Variants in LARGE1 observed in about 807,000 individuals in gnomAD.
The protein encoded by LARGE1 is xylosyl- and glucuronyltransferase LARGE1.
Under a neutral mutation model 87.6 loss-of-function variants are expected in LARGE1, and 43 were observed. The observed-to-expected ratio is 0.49, with a 90% CI of 0.38 to 0.63. LARGE1 has a LOEUF of 0.63. Ranked by LOEUF, LARGE1 falls within the 30% of genes least tolerant of loss-of-function variation. The pLI, the probability that LARGE1 is intolerant of heterozygous loss-of-function variation, is 0.00. For synonymous variants in LARGE1, 434 were observed against 394.6 expected, an observed-to-expected ratio of 1.10 and a Z score of -1.18; for missense variants, 802 against 1,000.2, an observed-to-expected ratio of 0.80 and a Z score of 2.67.
chr22:33,104,945 TTCTCTTTCTCTCTTTC>T, the LARGE1 span, among the ~76,000 whole-genome samples: 2 of 137,564 alleles, frequency 1.5e-5, no homozygotes, highest in Admixed American at 7.5e-5. Context: ...CTTTCTTTCT[TTCTCTTTCTCTCTTTC>T]TCTCTTTCTT....
At chr22:33,724,676 A>T (rs2083213410) in intron 2 of LARGE1, 1 of 152,250 alleles carries the variant, frequency 6.6e-6, no homozygotes, top group South Asian at 2.1e-4. Context: ...ACTTTGTAAC[A>T]GTCATGGTAA....
intron 6 of LARGE1, among the ~76,000 whole-genome samples, chr22:33,481,268 T>A (rs915223905): frequency 2.0e-5 from 3 of 151,710 alleles, no homozygotes; most frequent in Non-Finnish European, 4.4e-5. Context: ...TTTTTTTTTT[T>A]AAGCACTGCC....
intron 7 of LARGE1, among the ~76,000 whole-genome samples, chr22:33,401,006 C>T (rs1326417742): frequency 6.6e-6 from 1 of 152,150 alleles, no homozygotes; most frequent in African/African-American, 2.4e-5. Context: ...GTGGCTGGTT[C>T]CTGATCGGAA....
intron 2 of LARGE1, among the ~76,000 whole-genome samples, chr22:33,711,559 C>T (rs965498996): frequency 1.3e-5 from 2 of 152,168 alleles, no homozygotes; most frequent in East Asian, 1.9e-4. Context: ...CTGCCTGCTA[C>T]CTATGGCCAA....
At chr22:33,519,404 A>G (rs1381539670) in intron 6 of LARGE1, among the ~76,000 whole-genome samples, 1 of 152,118 alleles carries the variant, frequency 6.6e-6, no homozygotes, top group Non-Finnish European at 1.5e-5. Flanking sequence ...TATCTAAATT[A>G]TACTTACAGA....
At chr22:33,559,600 G>A (rs575375380) in intron 6 of LARGE1, among the ~76,000 whole-genome samples, 6 of 152,240 alleles carry the variant, frequency 3.9e-5, no homozygotes, top group African/African-American at 1.4e-4. Flanking sequence ...CCTCCTAAAG[G>A]CTCTACTCTT....
intron 5 of LARGE1, among the ~76,000 whole-genome samples, chr22:33,590,533 GA>G (rs1204276825): frequency 6.6e-6 from 1 of 152,142 alleles, no homozygotes; most frequent in East Asian, 1.9e-4. Context: ...GATCGCCCTC[GA>G]AAATGCCCTG....
At chr22:33,107,500 A>G in the LARGE1 span, among the ~76,000 whole-genome samples, 2 of 151,974 alleles carry the variant, frequency 1.3e-5, no homozygotes, top group Admixed American at 1.3e-4. Flanking sequence ...GGCTGCAGAG[A>G]TCCACGTTCG....
At chr22:33,364,124 G>T (rs532977007) in intron 9 of LARGE1, among the ~76,000 whole-genome samples, 1 of 151,454 alleles carries the variant, frequency 6.6e-6, no homozygotes, top group South Asian at 2.1e-4. Context: ...GCGCAATCTC[G>T]GCTCACTGCA....
intron 1 of LARGE1, among the ~76,000 whole-genome samples, chr22:33,897,615 G>A (rs1237015458): frequency 6.6e-6 from 1 of 152,210 alleles, no homozygotes; most frequent in Non-Finnish European, 1.5e-5. Flanking sequence ...GAAGCCAGCG[G>A]AACCTACAGA....
At chr22:33,670,447 G>GA (rs1029032219) in intron 2 of LARGE1, among the ~76,000 whole-genome samples, 7 of 151,594 alleles carry the variant, frequency 4.6e-5, no homozygotes, top group Non-Finnish European at 8.8e-5. Flanking sequence ...TCAAGCAGAG[G>GA]AAACGGCATA....
At chr22:33,491,912 T>C (rs1014821910) in intron 6 of LARGE1, among the ~76,000 whole-genome samples, 2 of 152,166 alleles carry the variant, frequency 1.3e-5, no homozygotes, top group African/African-American at 4.8e-5. Flanking sequence ...GCAGCTGAAA[T>C]GCAAAATTTT....
At chr22:33,809,293 G>C (rs1310363807) in intron 1 of LARGE1, among the ~76,000 whole-genome samples, 2 of 151,234 alleles carry the variant, frequency 1.3e-5, no homozygotes, top group Non-Finnish European at 2.9e-5. Context: ...ATCAGGTCCT[G>C]TGTGATGTAT....
intron 6 of LARGE1, among the ~76,000 whole-genome samples, chr22:33,471,246 G>A (rs767355733): frequency 3.3e-5 from 5 of 151,618 alleles, no homozygotes; most frequent in African/African-American, 7.3e-5. Context: ...TTAGCACCAC[G>A]GTGGCCAAGC....
At chr22:33,646,882 C>T (rs1443755089) in intron 3 of LARGE1, among the ~76,000 whole-genome samples, 1 of 152,214 alleles carries the variant, frequency 6.6e-6, no homozygotes, top group Non-Finnish European at 1.5e-5. Flanking sequence ...CACCCTCCAC[C>T]ACGCCCAGCT....
intron 12 of LARGE1, among the ~76,000 whole-genome samples, chr22:33,298,868 AAAAAG>A (rs1419282730): frequency 1.3e-5 from 2 of 151,902 alleles, no homozygotes; most frequent in South Asian, 2.1e-4. Context: ...AAAGAAAAGA[AAAAAG>A]AAAAGAAAAA....
At chr22:33,624,552 C>G (rs551390428) in intron 4 of LARGE1, among the ~76,000 whole-genome samples, 1 of 152,134 alleles carries the variant, frequency 6.6e-6, no homozygotes, top group African/African-American at 2.4e-5. Context: ...AGCAGCATAA[C>G]CAGACACAAC....
intron 6 of LARGE1, among the ~76,000 whole-genome samples, chr22:33,524,688 G>A (rs1485404133): frequency 6.6e-6 from 1 of 151,572 alleles, no homozygotes; most frequent in Non-Finnish European, 1.5e-5. Flanking sequence ...CTCCCCCAGG[G>A]TGTGAGAAAA....
chr22:33,205,254 G>T (rs1342071874), intron 11 of LARGE1, among the ~76,000 whole-genome samples: 1 of 152,176 alleles, frequency 6.6e-6, no homozygotes, highest in Non-Finnish European at 1.5e-5. Context: ...TTTTATGAGA[G>T]ATCATGCACT....
Sources: gnomAD v4.1 joint callset for allele counts (sites outside exome capture counted in the v4.1 genomes callset) on GRCh38, gnomAD v4.1.1 for gene constraint, MANE v1.5 for transcripts, NCBI Gene and HGNC (gene_info 2026-07-23, HGNC 2026-07-21) for gene names.